Variants in KCNT2 observed in about 807,000 individuals in gnomAD.
KCNT2 encodes potassium sodium-activated channel subfamily T member 2, also known as potassium channel subfamily T member 2.
KCNT2 carries 67 observed loss-of-function variants against 153.8 expected under a neutral mutation model. The observed-to-expected ratio is 0.44, with a 90% CI of 0.36 to 0.53. KCNT2 has a LOEUF of 0.53. Ranked by LOEUF, KCNT2 falls within the 20% of genes least tolerant of loss-of-function variation. KCNT2 has a pLI of 0.00. For missense variants in KCNT2, 975 were observed against 1,354.8 expected, an observed-to-expected ratio of 0.72 and a Z score of 4.40; for synonymous variants, 500 against 458.8, an observed-to-expected ratio of 1.09 and a Z score of -1.15.
At chr1:196,513,412 C>T (rs1681794511) in intron 1 of KCNT2, among the ~76,000 whole-genome samples, 2 of 152,202 alleles carry the variant, frequency 1.3e-5, no homozygotes, top group South Asian at 2.1e-4. Flanking sequence ...AATAACCTTG[C>T]TCCAAAAAGG....
At chr1:196,401,173 T>C (rs1010530835) in intron 12 of KCNT2, among the ~76,000 whole-genome samples, 3 of 151,874 alleles carry the variant, frequency 2.0e-5, no homozygotes, top group Non-Finnish European at 4.4e-5. Context: ...TCAATGGTGA[T>C]GGAGTTTGCT....
intron 16 of KCNT2, among the ~76,000 whole-genome samples, chr1:196,339,518 C>CAGAGAGAGAGAG (rs1456186234): frequency 2.0e-5 from 2 of 100,272 alleles, no homozygotes; most frequent in African/African-American, 6.4e-5. Context: ...CACACACACA[C>CAGAGAGAGAGAG]ACAGAGAGAG....
At chr1:196,599,149 T>A (rs912554604) in intron 1 of KCNT2, among the ~76,000 whole-genome samples, 3 of 152,190 alleles carry the variant, frequency 2.0e-5, no homozygotes, top group African/African-American at 7.2e-5. Flanking sequence ...GGGGACAGAG[T>A]AGTATTTCAG....
intron 1 of KCNT2, among the ~76,000 whole-genome samples, chr1:196,496,479 A>G (rs1037114325): frequency 3.3e-5 from 5 of 152,008 alleles, no homozygotes; most frequent in East Asian, 1.9e-4. Context: ...AAAAAAAAAA[A>G]AAAAGAAATG....
intron 1 of KCNT2, among the ~76,000 whole-genome samples, chr1:196,503,669 G>A (rs1680881460): frequency 6.6e-6 from 1 of 152,132 alleles, no homozygotes; most frequent in Non-Finnish European, 1.5e-5. Context: ...TGTGGAGAGG[G>A]AACCAATAGG....
intron 17 of KCNT2, among the ~76,000 whole-genome samples, chr1:196,333,102 T>TG (rs1331009301): frequency 3.3e-5 from 5 of 151,818 alleles, no homozygotes; most frequent in African/African-American, 9.7e-5. Flanking sequence ...AAGTTTTTTT[T>TG]TTTTTTTGTT....
At chr1:196,366,884 G>T (rs909435342) in intron 14 of KCNT2, among the ~76,000 whole-genome samples, 5 of 152,078 alleles carry the variant, frequency 3.3e-5, no homozygotes, top group African/African-American at 1.2e-4. Flanking sequence ...TAAATAAATG[G>T]ATTAGGTAAA....
chr1:196,575,637 T>C (rs1489126795), intron 1 of KCNT2, among the ~76,000 whole-genome samples: 2 of 150,258 alleles, frequency 1.3e-5, no homozygotes, highest in African/African-American at 4.9e-5. Flanking sequence ...AGATTTGATA[T>C]ATTTATATAT....
At chr1:196,244,872 G>A (rs1240836596) in intron 26 of KCNT2, among the ~76,000 whole-genome samples, 2 of 152,120 alleles carry the variant, frequency 1.3e-5, no homozygotes, top group East Asian at 3.9e-4. Context: ...TAGCCAGGCA[G>A]TGGTTACCAC....
chr1:196,410,305 A>G (rs765071946), intron 12 of KCNT2, among the ~76,000 whole-genome samples: 5 of 149,968 alleles, frequency 3.3e-5, no homozygotes, highest in Non-Finnish European at 7.4e-5. Context: ...GTCCTTTGCT[A>G]TGCATAAGTT....
At chr1:196,329,950 C>CATATTTATATATAT (rs1664284410) in intron 18 of KCNT2, among the ~76,000 whole-genome samples, 1 of 73,542 alleles carries the variant, frequency 1.4e-5, no homozygotes, top group Non-Finnish European at 2.5e-5. Flanking sequence ...TTCCTCAAGA[C>CATATTTATATATAT]ATATATATAT....
At chr1:196,434,138 C>G (rs1386789921) in intron 8 of KCNT2, among the ~76,000 whole-genome samples, 1 of 151,756 alleles carries the variant, frequency 6.6e-6, no homozygotes, top group Non-Finnish European at 1.5e-5. Flanking sequence ...AAACTAATTA[C>G]GAGAATATTC....
At chr1:196,573,707 G>A (rs561968021) in intron 1 of KCNT2, among the ~76,000 whole-genome samples, 12 of 151,972 alleles carry the variant, frequency 7.9e-5, no homozygotes, top group African/African-American at 2.7e-4. Context: ...AAGGAAGGGA[G>A]CTGAATGAGC....
chr1:196,332,714 CT>C (rs1664581608), intron 17 of KCNT2, among the ~76,000 whole-genome samples: 1 of 151,674 alleles, frequency 6.6e-6, no homozygotes, highest in Non-Finnish European at 1.5e-5. Flanking sequence ...TCTCCATTAT[CT>C]CAATTAATCA....
intron 8 of KCNT2, among the ~76,000 whole-genome samples, chr1:196,442,252 T>C (rs1675298399): frequency 6.6e-6 from 1 of 151,882 alleles, no homozygotes; most frequent in South Asian, 2.1e-4. Flanking sequence ...ACCTTTCTAC[T>C]AATAAATGAG....
At chr1:196,439,176 T>A (rs1264024325) in intron 8 of KCNT2, among the ~76,000 whole-genome samples, 1 of 151,962 alleles carries the variant, frequency 6.6e-6, no homozygotes, top group Non-Finnish European at 1.5e-5. Context: ...TTTATATGAA[T>A]GTCCACTTTG....
intron 20 of KCNT2, chr1:196,317,367 C>A: frequency 8.8e-6 from 3 of 340,074 alleles, no homozygotes; most frequent in South Asian, 4.4e-5. Flanking sequence ...GTTTAAATGC[C>A]TAGGGATACT....
At chr1:196,405,469 T>C (rs919378524) in intron 12 of KCNT2, among the ~76,000 whole-genome samples, 2 of 151,456 alleles carry the variant, frequency 1.3e-5, no homozygotes, top group African/African-American at 4.8e-5. Flanking sequence ...ATCTAAAAGG[T>C]ATTTGTTGTT....
chr1:196,394,986 A>G (rs2994255), intron 13 of KCNT2, among the ~76,000 whole-genome samples: 87,365 of 143,042 alleles, frequency 0.61, 25,548 homozygotes, highest in Middle Eastern at 0.74. Flanking sequence ...TTTCCAATAG[A>G]TTTTTTTTTT....
Sources: gnomAD v4.1 joint callset for allele counts (sites outside exome capture counted in the v4.1 genomes callset) on GRCh38, gnomAD v4.1.1 for gene constraint, MANE v1.5 for transcripts, NCBI Gene and HGNC (gene_info 2026-07-23, HGNC 2026-07-21) for gene names.